The following PILRA variants were observed in gnomAD, a reference collection of about 807,000 sequenced individuals.
The protein encoded by PILRA is paired immunoglobin like type 2 receptor alpha.
A neutral mutation model predicts 33.1 loss-of-function variants in PILRA; 37 were observed. The ratio of observed to expected loss-of-function variants is 1.12; its 90% CI spans 0.86 to 1.47. PILRA has a LOEUF of 1.47. Ranked by LOEUF, PILRA falls within the 40% of genes most tolerant of loss-of-function variation. The pLI, the probability that PILRA is intolerant of heterozygous loss-of-function variation, is 0.00. For missense variants in PILRA, 312 were observed against 376.2 expected, an observed-to-expected ratio of 0.83 and a Z score of 1.41; for synonymous variants, 146 against 149.9, an observed-to-expected ratio of 0.97 and a Z score of 0.19.
intron 2 of PILRA, among the ~76,000 whole-genome samples, chr7:100,380,673 T>A (rs1005039711): frequency 1.3e-5 from 2 of 152,106 alleles, no homozygotes; most frequent in African/African-American, 4.8e-5. Flanking sequence ...ATTTAAAAAT[T>A]GGCTGGGTGT....
intron 2 of PILRA, among the ~76,000 whole-genome samples, chr7:100,387,519 G>T (rs753797504): frequency 3.3e-5 from 5 of 152,066 alleles, no homozygotes; most frequent in Non-Finnish European, 7.4e-5. Context: ...TGGCCCCAAG[G>T]TATACTAGTT....
chr7:100,377,964 T>G (rs1790993241), intron 2 of PILRA, among the ~76,000 whole-genome samples: 1 of 152,230 alleles, frequency 6.6e-6, no homozygotes, highest in Non-Finnish European at 1.5e-5. Context: ...CTGTCTTTTC[T>G]TACATCAGCA....
chr7:100,373,824 C>T (rs1790877195), intron 1 of PILRA, 104 bp downstream of exon 1: 10 of 1,480,122 alleles, frequency 6.8e-6, no homozygotes, highest in African/African-American at 1.4e-5. Context: ...GCTCCCACCA[C>T]CAGGAAACAA....
At chr7:100,373,822 C>G in intron 1 of PILRA, 102 bp downstream of exon 1, 11 of 1,481,230 alleles carry the variant, frequency 7.4e-6, no homozygotes, top group Non-Finnish European at 1.0e-5. Context: ...AGGCTCCCAC[C>G]ACCAGGAAAC....
intron 4 of PILRA, among the ~76,000 whole-genome samples, chr7:100,398,465 T>C (rs912786462): frequency 1.3e-5 from 2 of 152,066 alleles, no homozygotes; most frequent in African/African-American, 4.8e-5. Flanking sequence ...CACCTCTCTT[T>C]CCTTTCCTCT....
chr7:100,381,707 C>T (rs1391473034), intron 2 of PILRA, among the ~76,000 whole-genome samples: 1 of 152,222 alleles, frequency 6.6e-6, no homozygotes, highest in East Asian at 1.9e-4. Flanking sequence ...CCGGCTCCCT[C>T]AGCTTGCAGG....
chr7:100,399,384 C>T (rs920651227), intron 5 of PILRA, 44 bp downstream of exon 5: 1 of 1,545,186 alleles, frequency 6.5e-7, no homozygotes, highest in East Asian at 2.2e-5. Context: ...ACCCCTGGCA[C>T]TTCCTGTTTC....
chr7:100,390,383 G>A (rs867099199), intron 3 of PILRA, among the ~76,000 whole-genome samples: 1 of 152,108 alleles, frequency 6.6e-6, no homozygotes, highest in South Asian at 2.1e-4. Flanking sequence ...TCCCCTGAAG[G>A]TTCCTGGGGA....
At chr7:100,384,562 A>AT (rs754843677) in intron 2 of PILRA, among the ~76,000 whole-genome samples, 4 of 151,128 alleles carry the variant, frequency 2.6e-5, no homozygotes, top group Non-Finnish European at 5.9e-5. Context: ...CACCTGGCTA[A>AT]TTTTTTTTCA....
chr7:100,393,478 A>G (rs1239186230), intron 3 of PILRA, among the ~76,000 whole-genome samples: 1 of 152,164 alleles, frequency 6.6e-6, no homozygotes, highest in Non-Finnish European at 1.5e-5. Flanking sequence ...CTATGATAGC[A>G]GTGTTGTGCA....
chr7:100,381,990 C>T (rs1303136535), intron 2 of PILRA, among the ~76,000 whole-genome samples: 1 of 148,976 alleles, frequency 6.7e-6, no homozygotes, highest in Non-Finnish European at 1.5e-5. Context: ...GCCCGCCATG[C>T]CTCAGTCCCC....
At chr7:100,395,916 G>A (rs1290765367) in intron 3 of PILRA, among the ~76,000 whole-genome samples, 1 of 152,138 alleles carries the variant, frequency 6.6e-6, no homozygotes, top group Non-Finnish European at 1.5e-5. Context: ...CCTGAGGCCA[G>A]GAGTTCGAGA....
At chr7:100,383,959 C>T (rs1791189962) in intron 2 of PILRA, among the ~76,000 whole-genome samples, 1 of 152,134 alleles carries the variant, frequency 6.6e-6, no homozygotes, top group African/African-American at 2.4e-5. Flanking sequence ...TTAAAAGCAT[C>T]CCTCTCGCTA....
chr7:100,390,001 T>C lies in PILRA; in HGVS notation c.568T>C (p.Trp190Arg), dbSNP rs1259108624. The part of the protein sequence containing the change: ...VTQGKRRSDS[W>R]HISLETAVGV... The stretch of plus-strand genomic sequence containing the variant: ...ACAGGGCAAACGACGCTCAGACTCT[T>C]GGCACATAAGTCTGGAGACTGCTGT... The change falls in exon 3 of 7, where the codon TGG becomes CGG. Residue 190 changes from tryptophan to arginine, a missense_variant. By Grantham distance (101) the Trp-to-Arg change is moderately radical. Coordinates refer to ENST00000198536, the MANE Select transcript of PILRA (RefSeq NM_013439.3). The C allele has an allele frequency of 6.2e-7, 1 of 1,614,018 alleles. No homozygotes were observed. The highest frequency in any genetic ancestry group is 1.7e-5 in the Admixed American group (1 of 60,010).
intron 2 of PILRA, among the ~76,000 whole-genome samples, chr7:100,378,093 A>G (rs1393447391): frequency 6.6e-6 from 1 of 152,122 alleles, no homozygotes. Context: ...TCATGCCTGT[A>G]ATCCCAGCAC....
In PILRA at chr7:100,374,411, G is replaced by A; in HGVS notation, c.432G>A (p.Gly144=). The A allele has an allele frequency of 6.2e-7, 1 of 1,614,010 alleles. No individual in the cohort carries two copies. ...SGRQQWQSIE[G]TKLSITQAVT... is the part of the protein sequence containing the mutation. The stretch of plus-strand genomic sequence containing the variant: ...GGCAGCAGTGGCAGTCCATCGAGGG[G>A]ACCAAACTCTCCATCACCCAGGGTG... Residue 144 remains glycine, a synonymous_variant, in exon 2 of 7, where the codon GGG becomes GGA. Coordinates refer to ENST00000198536, the MANE Select transcript of PILRA (RefSeq NM_013439.3).
intron 2 of PILRA, among the ~76,000 whole-genome samples, chr7:100,379,117 G>T (rs1347345282): frequency 6.7e-6 from 1 of 149,252 alleles, no homozygotes; most frequent in Non-Finnish European, 1.5e-5. Context: ...AAAAAGTAAT[G>T]CATAGGCCAG....
chr7:100,377,643 A>G (rs6975660), intron 2 of PILRA, among the ~76,000 whole-genome samples: 30,999 of 152,036 alleles, frequency 0.2, 3,453 homozygotes, highest in African/African-American at 0.28. Context: ...CTACTCAGGA[A>G]GCTGAGACAG....
chr7:100,397,693 G>A (rs1294188211), intron 3 of PILRA, among the ~76,000 whole-genome samples, 186 bp from the exon 4 acceptor site: 1 of 152,166 alleles, frequency 6.6e-6, no homozygotes, highest in Non-Finnish European at 1.5e-5. Flanking sequence ...GAAGACAACA[G>A]GGAGGACAGG....
Sources: gnomAD v4.1 joint callset for allele counts (sites outside exome capture counted in the v4.1 genomes callset) on GRCh38, gnomAD v4.1.1 for gene constraint, MANE v1.5 for transcripts, NCBI Gene and HGNC (gene_info 2026-07-23, HGNC 2026-07-21) for gene names.